DGKB: variants seen among roughly 807,000 people sequenced by gnomAD.
The protein encoded by DGKB is 90 kDa diacylglycerol kinase.
In DGKB, 67 loss-of-function variants were observed where a neutral mutation model predicts 114.3. The ratio of observed to expected loss-of-function variants is 0.59; its 90% CI spans 0.48 to 0.72. The LOEUF (loss-of-function observed/expected upper bound fraction) is 0.72, where lower values mean the gene tolerates loss of function less well. Ranked by LOEUF, DGKB falls within the 30% of genes least tolerant of loss-of-function variation. The probability of loss-of-function intolerance (pLI) is 0.00; values close to 1 mark genes in which losing one functional copy is unlikely to be tolerated. For synonymous variants in DGKB, 398 were observed against 323.1 expected (o/e 1.23, Z -2.49); for missense variants, 907 against 975.2 (o/e 0.93, Z 0.93).
intron 23 of DGKB, chr7:14,209,656 C>G (rs1211907609): frequency 5.5e-6 from 2 of 362,048 alleles, no homozygotes; most frequent in East Asian, 8.2e-5. Flanking sequence ...AAGCGTTTAT[C>G]TTTGGAAAAA....
rs1365688945 is a variant in DGKB at position 14,211,499 on chromosome 7, C to G, written c.2123-33348G>C. ...TCTCATGTTTTGTGATATTTACTCT[C>G]ATGTTTTGTGATTTTACTCTCATGT... On this transcript the variant is annotated intron_variant, in intron 23 of 25. Transcript: ENST00000402815. 1.1e-4 allele frequency among the ~76,000 whole-genome samples: 4 copies of G among 36,030 alleles called. 1 individual carries two copies. Among genetic ancestry groups the G allele is most frequent in the Non-Finnish European group, 1.3e-4 (3 of 22,476 alleles). 23.6% of individuals were successfully genotyped at this position (36,030 alleles called of 152,430 possible).
At chr7:14,894,645 T>C (rs562859150) in intron 1 of DGKB, among the ~76,000 whole-genome samples, 2 of 151,702 alleles carry the variant, frequency 1.3e-5, no homozygotes, top group Admixed American at 6.6e-5. Flanking sequence ...ACTTTTGATA[T>C]TATCTTTTTG....
intron 1 of DGKB, among the ~76,000 whole-genome samples, chr7:14,891,654 A>C (rs1436264457): frequency 6.6e-6 from 1 of 151,580 alleles, no homozygotes; most frequent in East Asian, 1.9e-4. Flanking sequence ...AACGTCATTG[A>C]GGATATTAAT....
chr7:14,185,413 A>C (rs1185159403), intron 23 of DGKB, among the ~76,000 whole-genome samples: 1 of 152,184 alleles, frequency 6.6e-6, no homozygotes, highest in Non-Finnish European at 1.5e-5. Flanking sequence ...GATGGGTAGA[A>C]TCAATATTGT....
intron 2 of DGKB, among the ~76,000 whole-genome samples, chr7:14,832,246 A>G (rs1036691252): frequency 6.6e-6 from 1 of 152,096 alleles, no homozygotes; most frequent in African/African-American, 2.4e-5. Flanking sequence ...TATAGACTCA[A>G]GCAAACTGAA....
At chr7:14,252,143 G>A (rs1795339317) in intron 23 of DGKB, among the ~76,000 whole-genome samples, 1 of 152,036 alleles carries the variant, frequency 6.6e-6, no homozygotes, top group Non-Finnish European at 1.5e-5. Context: ...TGGCTTTCTT[G>A]ATGGTGTCCC....
intron 1 of DGKB, among the ~76,000 whole-genome samples, chr7:14,960,855 T>C (rs917141457): frequency 1.3e-5 from 2 of 152,142 alleles, no homozygotes; most frequent in Admixed American, 6.6e-5. Context: ...TACTAACAAA[T>C]ATTTCTCTTG....
chr7:14,819,414 C>T (rs1219465237), intron 2 of DGKB, among the ~76,000 whole-genome samples: 2 of 151,942 alleles, frequency 1.3e-5, no homozygotes, highest in Admixed American at 6.6e-5. Context: ...AGGGAAACCC[C>T]GTCTTTACAA....
At chr7:14,387,151 CG>C (rs1483280443) in intron 21 of DGKB, among the ~76,000 whole-genome samples, 3 of 151,430 alleles carry the variant, frequency 2.0e-5, no homozygotes, top group African/African-American at 7.3e-5. Flanking sequence ...TGGCTGGGCG[CG>C]GTGGCTCACG....
In DGKB at chr7:14,915,118, C is replaced by T. The variant is rs148352928; in HGVS notation, c.-188+59578G>A. 2.0e-5 allele frequency among the ~76,000 whole-genome samples: 3 copies of T among 152,154 alleles called. No individual in the cohort carries two copies. In the East Asian group the frequency reaches 5.8e-4, roughly 29 times the overall value. On this transcript the variant is annotated intron_variant, in intron 1 of 4. Coordinates refer to the DGKB transcript ENST00000437998. ...ATGGTGGCTCACACCTGTGATTCCA[C>T]AATTTGGGGAGGCTATGTTGAGAGA... is the stretch of plus-strand genomic sequence containing the variant.
intron 25 of DGKB, among the ~76,000 whole-genome samples, chr7:14,159,011 C>G (rs1351013476): frequency 6.6e-6 from 1 of 152,116 alleles, no homozygotes; most frequent in East Asian, 1.9e-4. Flanking sequence ...GTCATTACCT[C>G]TCCCGCCAAT....
intron 1 of DGKB, among the ~76,000 whole-genome samples, chr7:14,873,838 A>G (rs1435932026): frequency 1.3e-5 from 2 of 152,066 alleles, no homozygotes; most frequent in Non-Finnish European, 2.9e-5. Flanking sequence ...AAAAATAAAT[A>G]TAATAGTTAG....
At chr7:14,922,907 A>G (rs953137907) in intron 1 of DGKB, among the ~76,000 whole-genome samples, 1 of 152,186 alleles carries the variant, frequency 6.6e-6, no homozygotes, top group Non-Finnish European at 1.5e-5. Flanking sequence ...AATAGACAAC[A>G]TATTATTACT....
At chr7:14,639,451 A>G (rs905795100) in intron 13 of DGKB, among the ~76,000 whole-genome samples, 1 of 152,180 alleles carries the variant, frequency 6.6e-6, no homozygotes, top group Non-Finnish European at 1.5e-5. Flanking sequence ...ATCCTTTGCT[A>G]CCTTGCCAGA....
At chr7:14,734,087 T>G (rs1370517028) in intron 5 of DGKB, among the ~76,000 whole-genome samples, 2 of 151,648 alleles carry the variant, frequency 1.3e-5, no homozygotes, top group African/African-American at 2.4e-5. Flanking sequence ...CAGCCTGGAG[T>G]GCAGTGATGC....
At chr7:14,420,989 T>A (rs538278079) in intron 21 of DGKB, among the ~76,000 whole-genome samples, 1 of 152,204 alleles carries the variant, frequency 6.6e-6, no homozygotes, top group East Asian at 1.9e-4. Context: ...AAATGGAAAG[T>A]ACCTCTGATT....
At chr7:14,398,443 C>G (rs745477982) in intron 21 of DGKB, among the ~76,000 whole-genome samples, 13 of 151,996 alleles carry the variant, frequency 8.6e-5, no homozygotes, top group Non-Finnish European at 1.3e-4. Flanking sequence ...GCTTTGAGCA[C>G]AAATTCACAT....
In DGKB at chr7:14,698,023, G is replaced by C. The variant is rs1563944981; in HGVS notation, c.591+72C>G. ...AAAGAAAGAAAGAAAGAAAGAGAAA[G>C]AAAGAAAGAAAGAAAAGAAAGAAAG... On this transcript the variant is annotated intron_variant, in intron 8 of 25. Transcript: ENST00000402815. 4.5e-5 allele frequency: 36 copies of C among 798,436 alleles called. No individual in the cohort carries two copies. The East Asian group carries it at 7.6e-4, about 17-fold the overall frequency. 49.5% of individuals were successfully genotyped at this position (798,436 alleles called of 1,614,324 possible).
chr7:14,420,820 G>A (rs186437472), intron 21 of DGKB, among the ~76,000 whole-genome samples: 223 of 152,154 alleles, frequency 1.5e-3, no homozygotes, highest in Middle Eastern at 3.4e-3. Flanking sequence ...ACATGAAGCA[G>A]GAGAATAGGG....
Sources: allele counts gnomAD v4.1 joint callset (sites outside exome capture counted in the v4.1 genomes callset), GRCh38; gene constraint gnomAD v4.1.1; transcripts MANE v1.5; gene names NCBI Gene and HGNC (gene_info 2026-07-23, HGNC 2026-07-21).